Variants in MEIKIN observed in about 807,000 individuals in gnomAD.
MEIKIN encodes the protein meiosis-specific kinetochore protein.
intron 5 of MEIKIN, among the ~76,000 whole-genome samples, chr5:131,924,038 G>A (rs1398881042): frequency 2.6e-5 from 4 of 151,942 alleles, no homozygotes; most frequent in African/African-American, 9.7e-5. Context: ...GCTTCTATGA[G>A]TTTGGCTCTT....
At chr5:131,830,902 G>GA (rs1749703200) in intron 11 of MEIKIN, among the ~76,000 whole-genome samples, 2 of 151,004 alleles carry the variant, frequency 1.3e-5, no homozygotes, top group African/African-American at 4.9e-5. Context: ...GGAGGACTTT[G>GA]GTTTTTTTTT....
chr5:131,839,674 C>T (rs998324750), intron 11 of MEIKIN, among the ~76,000 whole-genome samples: 2 of 152,164 alleles, frequency 1.3e-5, no homozygotes, highest in East Asian at 1.9e-4. Flanking sequence ...TTGCAACCCA[C>T]GCTTTTTTCT....
intron 8 of MEIKIN, among the ~76,000 whole-genome samples, chr5:131,911,003 C>T (rs7714321): frequency 0.11 from 16,355 of 152,024 alleles, 2,098 homozygotes; most frequent in African/African-American, 0.31. Context: ...GTTATTCACA[C>T]ATTCCCTTAT....
At chr5:131,832,868 C>T (rs1012321135) in intron 11 of MEIKIN, among the ~76,000 whole-genome samples, 2 of 152,212 alleles carry the variant, frequency 1.3e-5, no homozygotes, top group African/African-American at 4.8e-5. Flanking sequence ...CTAGGCTGCA[C>T]ACAGCATGGG....
chr5:131,855,689 A>C (rs1202046137), intron 9 of MEIKIN, among the ~76,000 whole-genome samples: 2 of 152,158 alleles, frequency 1.3e-5, no homozygotes, highest in African/African-American at 4.8e-5. Context: ...AGAAAGACAG[A>C]GAAGACAGAA....
chr5:131,917,598 A>C (rs1751434043), intron 6 of MEIKIN, among the ~76,000 whole-genome samples: 1 of 151,654 alleles, frequency 6.6e-6, no homozygotes, highest in Non-Finnish European at 1.5e-5. Flanking sequence ...GAAAACTCAC[A>C]GTCAAATACT....
chr5:131,932,860 A>G (rs1751712342), intron 5 of MEIKIN, among the ~76,000 whole-genome samples: 1 of 152,160 alleles, frequency 6.6e-6, no homozygotes, highest in South Asian at 2.1e-4. Flanking sequence ...CTGTGACACT[A>G]TAGTGCAAAT....
intron 6 of MEIKIN, among the ~76,000 whole-genome samples, chr5:131,917,903 A>G (rs1276329100): frequency 1.3e-5 from 2 of 152,146 alleles, no homozygotes; most frequent in Non-Finnish European, 2.9e-5. Context: ...ATCATCTAGC[A>G]TCTACTCTGT....
At chr5:131,876,786 C>T (rs1192857645) in intron 9 of MEIKIN, among the ~76,000 whole-genome samples, 264 of 151,790 alleles carry the variant, frequency 1.7e-3, no homozygotes, top group African/African-American at 5.5e-3. Context: ...GAAAATGTGG[C>T]GCATATATAC....
chr5:131,910,420 GAGA>G (rs1425273242), intron 8 of MEIKIN, among the ~76,000 whole-genome samples: 3 of 152,112 alleles, frequency 2.0e-5, no homozygotes, highest in South Asian at 2.1e-4. Context: ...ACCAGAGGCT[GAGA>G]AGGATAGTTG....
chr5:131,934,131 A>AT (rs577482264), intron 4 of MEIKIN, among the ~76,000 whole-genome samples: 91 of 142,082 alleles, frequency 6.4e-4, no homozygotes, highest in Non-Finnish European at 6.8e-4. Flanking sequence ...TTTTTTTTTT[A>AT]TTTTTTTTTT....
At chr5:131,877,383 C>T (rs531076663) in intron 9 of MEIKIN, among the ~76,000 whole-genome samples, 25 of 152,262 alleles carry the variant, frequency 1.6e-4, no homozygotes, top group African/African-American at 6.0e-4. Flanking sequence ...TGATGGCTCA[C>T]ACCTGTACCA....
intron 11 of MEIKIN, among the ~76,000 whole-genome samples, chr5:131,830,039 A>C (rs997912036): frequency 7.2e-5 from 11 of 152,206 alleles, no homozygotes; most frequent in African/African-American, 2.2e-4. Context: ...AGAAACACAC[A>C]AAAAAGTGGT....
At chr5:131,896,262 A>G (rs1430286998) in intron 8 of MEIKIN, among the ~76,000 whole-genome samples, 1 of 152,076 alleles carries the variant, frequency 6.6e-6, no homozygotes, top group Non-Finnish European at 1.5e-5. Flanking sequence ...AGTTTGTGTG[A>G]TTTCTGTTCT....
chr5:131,901,130 G>C (rs929758929), intron 8 of MEIKIN, among the ~76,000 whole-genome samples: 2 of 152,096 alleles, frequency 1.3e-5, no homozygotes, highest in Admixed American at 6.5e-5. Flanking sequence ...GTGACCAACA[G>C]ACCTACCCCA....
intron 12 of MEIKIN, among the ~76,000 whole-genome samples, chr5:131,815,123 C>CATG (rs59017684): frequency 0.78 from 118,981 of 151,830 alleles, 46,852 homozygotes; most frequent in African/African-American, 0.83. Context: ...TACCCATTGT[C>CATG]ATATTCCATA....
intron 5 of MEIKIN, among the ~76,000 whole-genome samples, chr5:131,925,820 C>T (rs988983370): frequency 6.6e-6 from 1 of 152,048 alleles, no homozygotes; most frequent in African/African-American, 2.4e-5. Flanking sequence ...AGGCACCTGC[C>T]ACCATGCTGG....
chr5:131,915,188 CCAGT>C (rs1470574422), intron 7 of MEIKIN, among the ~76,000 whole-genome samples: 4 of 152,008 alleles, frequency 2.6e-5, no homozygotes, highest in Admixed American at 6.6e-5. Context: ...GGAAAGCCAC[CCAGT>C]CAAAGTCTGG....
chr5:131,938,127 G>T (rs1284080650), intron 4 of MEIKIN, among the ~76,000 whole-genome samples: 1 of 148,286 alleles, frequency 6.7e-6, no homozygotes, highest in South Asian at 2.1e-4. Flanking sequence ...ACTTTATTGA[G>T]ATATAATTCA....
Sources: gnomAD v4.1 joint callset for allele counts (sites outside exome capture counted in the v4.1 genomes callset) on GRCh38, gnomAD v4.1.1 for gene constraint, MANE v1.5 for transcripts, NCBI Gene and HGNC (gene_info 2026-07-23, HGNC 2026-07-21) for gene names.